VPS37A: variants seen among roughly 807,000 people sequenced by gnomAD.
VPS37A encodes VPS37A subunit of ESCRT-I.
VPS37A carries 30 observed loss-of-function variants against 49.8 expected under a neutral mutation model. The observed-to-expected ratio is 0.60, with a 90% confidence interval of 0.45 to 0.82. VPS37A has a LOEUF of 0.82. Among genes scored for constraint, VPS37A ranks in the 40% least tolerant of loss-of-function variants. The pLI is 0.00. For synonymous variants in VPS37A, 195 were observed against 160.6 expected (o/e 1.21, Z -1.62); for missense variants, 593 against 464.4 (o/e 1.28, Z -2.55).
chr8:17,284,605 GA>G lies in VPS37A; in HGVS notation c.1106del (p.Lys369ArgfsTer19). Reference protein sequence around the residue: ...EIDDFLSSFMEKRTICHCRRA... With the variant: ...EIDDFLSSFMXKRTICHCRRA... ...AGATGATTTTCTCAGTAGCTTCATG[GA>G]AAAGAGAACAGTATGTAATACTCGT... On this transcript the variant is annotated frameshift_variant, in exon 10 of 12. Coordinates refer to ENST00000324849, the MANE Select transcript of VPS37A (RefSeq NM_152415.3). LOFTEE classifies it high-confidence loss of function. The G allele has an allele frequency of 6.2e-7, 1 of 1,600,168 alleles. No individual in the cohort carries two copies. The highest frequency in any genetic ancestry group is 1.8e-5 in the Admixed American group (1 of 56,448).
rs1813407511 is a variant in VPS37A, at chr8:17,265,932, G to A, written c.151G>A (p.Glu51Lys). 1 of 1,613,404 alleles carries A rather than the reference G, an allele frequency of 6.2e-7. No homozygotes were observed. Among genetic ancestry groups the A allele is most frequent in the South Asian group, 1.1e-5 (1 of 91,024 alleles). Residue 51 changes from glutamate to lysine, a missense_variant, in exon 2 of 12, where the codon GAA becomes AAA. Physicochemically the swap from Glu to Lys is moderately conservative, Grantham distance 56. Coordinates refer to ENST00000324849, the MANE Select transcript of VPS37A (RefSeq NM_152415.3). ...TATAGCCGAAATACAGAAAGATGTG[G>A]AATACAGATTGCCATTCACCATAAA... ...SSIAEIQKDVEYRLPFTINNL... is the reference protein window; with the variant it reads ...SSIAEIQKDVKYRLPFTINNL...
downstream of VPS37A, among the ~76,000 whole-genome samples, chr8:17,302,628 C>T (rs995492682): frequency 2.9e-5 from 4 of 135,704 alleles, no homozygotes; most frequent in Non-Finnish European, 6.2e-5. Context: ...CTTTCAGCTA[C>T]AAAGGGAATC....
At chr8:17,302,149 C>T, downstream of VPS37A, 1 of 1,614,032 alleles carries the variant, frequency 6.2e-7, no homozygotes, top group Non-Finnish European at 8.5e-7. Context: ...GCAAGTATGT[C>T]TTACTTCTTC....
At chr8:17,292,128 T>C (rs1468860505) in intron 11 of VPS37A, among the ~76,000 whole-genome samples, 4 of 152,224 alleles carry the variant, frequency 2.6e-5, no homozygotes, top group Admixed American at 2.6e-4. Context: ...CTCTAAGAAC[T>C]TGCTTTATGA....
intron 1 of VPS37A, among the ~76,000 whole-genome samples, chr8:17,262,792 G>T (rs1194242026): frequency 1.3e-5 from 2 of 152,082 alleles, no homozygotes; most frequent in African/African-American, 4.8e-5. Flanking sequence ...GCCGGACACG[G>T]TGACTCACGC....
downstream of VPS37A, chr8:17,299,602 G>A (rs1563308587): frequency 1.7e-5 from 8 of 458,764 alleles, no homozygotes; most frequent in Non-Finnish European, 2.8e-5. Flanking sequence ...TAATTGCTCT[G>A]CAGTGAATAT....
the VPS37A span, chr8:17,311,547 C>A: frequency 6.2e-7 from 1 of 1,614,122 alleles, no homozygotes; most frequent in Non-Finnish European, 8.5e-7. Context: ...GAGGGTCCAG[C>A]AGCAGGCTTG....
intron 1 of VPS37A, among the ~76,000 whole-genome samples, chr8:17,261,913 C>G (rs1365778255): frequency 1.3e-5 from 2 of 152,270 alleles, no homozygotes; most frequent in East Asian, 1.9e-4. Context: ...CTTGCCTCTC[C>G]CCTTTGTCTC....
chr8:17,251,175 A>C (rs889383924), intron 1 of VPS37A, among the ~76,000 whole-genome samples: 3 of 152,082 alleles, frequency 2.0e-5, no homozygotes. Flanking sequence ...TGGTCTCATC[A>C]CCCTTCCCCC....
intron 1 of VPS37A, among the ~76,000 whole-genome samples, chr8:17,253,624 A>G (rs1004673843): frequency 1.3e-5 from 2 of 152,144 alleles, no homozygotes; most frequent in South Asian, 2.1e-4. Flanking sequence ...TCCCTGATTT[A>G]CTTTTCTGAG....
the VPS37A span, among the ~76,000 whole-genome samples, chr8:17,327,271 A>G: frequency 2.0e-5 from 3 of 152,040 alleles, no homozygotes; most frequent in Non-Finnish European, 2.9e-5. Context: ...GCATGTCTAT[A>G]TCTTATTTTA....
At chr8:17,323,217 G>A in the VPS37A span, among the ~76,000 whole-genome samples, 3 of 151,990 alleles carry the variant, frequency 2.0e-5, no homozygotes, top group African/African-American at 4.8e-5. Context: ...ACAGTGCTGA[G>A]ATTACAGGTA....
At chr8:17,325,535 GC>G in the VPS37A span, among the ~76,000 whole-genome samples, 1 of 152,106 alleles carries the variant, frequency 6.6e-6, no homozygotes, top group East Asian at 1.9e-4. Context: ...GATCTGCTTG[GC>G]CCCCTTTCAT....
At chr8:17,265,708 G>C (rs921378907) in intron 1 of VPS37A, 199 bp from the exon 2 acceptor site, 2 of 1,425,456 alleles carry the variant, frequency 1.4e-6, no homozygotes, top group African/African-American at 2.8e-5. Context: ...GGATAGTTTA[G>C]AATGTTACTG....
At chr8:17,247,584 C>T in intron 1 of VPS37A, 2 of 734,886 alleles carry the variant, frequency 2.7e-6, no homozygotes, top group Non-Finnish European at 4.8e-6. Context: ...CTGCTCAGCG[C>T]TTCTAACTCG....
At chr8:17,272,081 C>T in intron 4 of VPS37A, 1 of 456,626 alleles carries the variant, frequency 2.2e-6, no homozygotes, top group Non-Finnish European at 4.4e-6. Flanking sequence ...TTCTGTTTTC[C>T]ATATTATTGC....
At chr8:17,315,369 G>T in the VPS37A span, among the ~76,000 whole-genome samples, 4 of 151,720 alleles carry the variant, frequency 2.6e-5, no homozygotes, top group Non-Finnish European at 5.9e-5. Context: ...TGGGGCACAA[G>T]AATGTTTAGG....
At chr8:17,259,733 G>A (rs918638331) in intron 1 of VPS37A, among the ~76,000 whole-genome samples, 2 of 151,960 alleles carry the variant, frequency 1.3e-5, no homozygotes, top group Non-Finnish European at 2.9e-5. Context: ...AATGTTTGCT[G>A]TATGTACTTT....
chr8:17,297,614 T>A lies in VPS37A; in HGVS notation c.*2628T>A, dbSNP rs1167246302. 2 of 152,064 alleles carry A rather than the reference T, an allele frequency of 1.3e-5. No individual in the cohort carries two copies. Among genetic ancestry groups the A allele is most frequent in the Non-Finnish European group, 2.9e-5 (2 of 67,934 alleles). 9.4% of individuals were successfully genotyped at this position (152,064 alleles called of 1,614,324 possible). ...TACTTGCATTCTATATATTACTAATTGGGAAGTAATATGCCTCAAATCAGT... is the reference window on the plus strand; with the variant it reads ...TACTTGCATTCTATATATTACTAATAGGGAAGTAATATGCCTCAAATCAGT... On this transcript the variant is annotated 3_prime_UTR_variant, in exon 12 of 12. Transcript: ENST00000324849.
Sources: gnomAD v4.1 joint callset for allele counts (sites outside exome capture counted in the v4.1 genomes callset) on GRCh38, gnomAD v4.1.1 for gene constraint, MANE v1.5 for transcripts, NCBI Gene and HGNC (gene_info 2026-07-23, HGNC 2026-07-21) for gene names.